The following BACE2 variants were observed in gnomAD, a reference collection of about 807,000 sequenced individuals.
BACE2 encodes the protein beta-secretase 2, also known as 56 kDa aspartic-like protease.
BACE2 carries 17 observed loss-of-function variants against 46.2 expected under a neutral mutation model. The ratio of observed to expected loss-of-function variants is 0.37; its 90% CI spans 0.25 to 0.55. The LOEUF (loss-of-function observed/expected upper bound fraction) is 0.55. Among genes scored for constraint, BACE2 ranks in the 20% least tolerant of loss-of-function variants. The pLI, the probability that BACE2 is intolerant of heterozygous loss-of-function variation, is 0.82. For synonymous variants in BACE2, 277 were observed against 295.9 expected, an observed-to-expected ratio of 0.94 and a Z score of 0.66; for missense variants, 595 against 698.1, an observed-to-expected ratio of 0.85 and a Z score of 1.66.
chr21:41,250,595 T>G (rs776323308), intron 6 of BACE2, among the ~76,000 whole-genome samples, 157 bp from the exon 7 acceptor site: 2 of 152,238 alleles, frequency 1.3e-5, no homozygotes, highest in Non-Finnish European at 2.9e-5. Context: ...GTCATCACCG[T>G]CACTCTTCCA....
At chr21:41,186,576 C>T (rs1000619519) in intron 1 of BACE2, 2 of 152,520 alleles carry the variant, frequency 1.3e-5, no homozygotes, top group Admixed American at 1.3e-4. Context: ...TCTCCGCTGT[C>T]CTTGTCCCTT....
intron 1 of BACE2, 27 bp from the exon 2 acceptor site, chr21:41,226,239 T>G: frequency 6.4e-7 from 1 of 1,568,860 alleles, no homozygotes; most frequent in Non-Finnish European, 8.7e-7. Context: ...TGCTTTCTAT[T>G]TTTTTTTTCT....
At chr21:41,226,192 CATT>C in intron 1 of BACE2, 71 bp from the exon 2 acceptor site, 1 of 1,153,596 alleles carries the variant, frequency 8.7e-7, no homozygotes, top group Admixed American at 2.2e-5. Flanking sequence ...GTTTTAAAAA[CATT>C]ATTCAAGAGT....
rs1489729938 is a variant in BACE2 at position 41,168,524 on chromosome 21, C to T, written c.261C>T (p.Asp87=). The change falls in exon 1 of 9, where the codon GAC becomes GAT. Residue 87 remains aspartate, a synonymous_variant. Coordinates refer to ENST00000330333, the MANE Select transcript of BACE2 (RefSeq NM_012105.5). The part of the protein sequence containing the change: ...FLAMVDNLQG[D]SGRGYYLEML... ...CCATGGTAGACAACCTGCAGGGGGA[C>T]TCTGGCCGCGGCTACTACCTGGAGA... The T allele has an allele frequency of 1.5e-6, 2 of 1,352,240 alleles. No homozygotes were observed. Among genetic ancestry groups the T allele is most frequent in the Non-Finnish European group, 1.9e-6 (2 of 1,044,580 alleles). The allele number at this position is 1,352,240 out of a possible 1,614,324, so 83.8% of individuals were successfully genotyped here. A position where few individuals can be genotyped will look rare whatever the true frequency, so the allele number is the denominator to read the frequency against.
chr21:41,217,592 T>A (rs375211327), intron 1 of BACE2, among the ~76,000 whole-genome samples: 36 of 152,202 alleles, frequency 2.4e-4, no homozygotes, highest in African/African-American at 6.5e-4. Context: ...AGGTATCTGC[T>A]GGTTGAGCCT....
intron 3 of BACE2, among the ~76,000 whole-genome samples, chr21:41,241,133 TC>T (rs1185881199): frequency 2.0e-5 from 3 of 152,128 alleles, no homozygotes; most frequent in African/African-American, 7.2e-5. Context: ...CCTTCCCGCT[TC>T]CCTTTGAGTC....
At chr21:41,224,535 C>T (rs1205409966) in intron 1 of BACE2, among the ~76,000 whole-genome samples, 1 of 152,142 alleles carries the variant, frequency 6.6e-6, no homozygotes, top group Non-Finnish European at 1.5e-5. Context: ...GTTTTTCAAC[C>T]TTTTGGGCTA....
At chr21:41,241,997 T>A in intron 4 of BACE2, 50 bp downstream of exon 4, 1 of 1,603,264 alleles carries the variant, frequency 6.2e-7, no homozygotes, top group Non-Finnish European at 8.5e-7. Context: ...ATGGATGGGC[T>A]GTTTTTTTCT....
At chr21:41,232,804 C>T (rs961656134) in intron 2 of BACE2, among the ~76,000 whole-genome samples, 1 of 152,110 alleles carries the variant, frequency 6.6e-6, no homozygotes, top group African/African-American at 2.4e-5. Flanking sequence ...ACCTCTTTTC[C>T]TTATGAATTA....
intron 8 of BACE2, among the ~76,000 whole-genome samples, chr21:41,274,624 T>C (rs1224762194): frequency 6.6e-6 from 1 of 152,224 alleles, no homozygotes; most frequent in Non-Finnish European, 1.5e-5. Flanking sequence ...AGAAATCATC[T>C]CAACTTCCTT....
chr21:41,233,237 T>C (rs895725407), intron 2 of BACE2, among the ~76,000 whole-genome samples: 2 of 152,234 alleles, frequency 1.3e-5, no homozygotes, highest in Admixed American at 1.3e-4. Context: ...ATATCTCCTG[T>C]GTTCCAAGCT....
chr21:41,226,829 A>T (rs1181122563), intron 2 of BACE2, among the ~76,000 whole-genome samples: 2 of 152,220 alleles, frequency 1.3e-5, no homozygotes, highest in African/African-American at 4.8e-5. Flanking sequence ...GGTGTGGTTC[A>T]TGGAAGCCAT....
chr21:41,245,074 T>C (rs1987427304), intron 5 of BACE2, among the ~76,000 whole-genome samples: 1 of 152,214 alleles, frequency 6.6e-6, no homozygotes, highest in Non-Finnish European at 1.5e-5. Flanking sequence ...TTCTTACATA[T>C]TAAAAAACTG....
At chr21:41,274,072 G>A (rs1378299711) in intron 8 of BACE2, among the ~76,000 whole-genome samples, 1 of 151,912 alleles carries the variant, frequency 6.6e-6, no homozygotes, top group Non-Finnish European at 1.5e-5. Context: ...GTCCAAGAGA[G>A]CTCCCTTGTC....
intron 8 of BACE2, among the ~76,000 whole-genome samples, chr21:41,273,452 C>T (rs1601326651): frequency 6.6e-6 from 1 of 152,194 alleles, no homozygotes; most frequent in African/African-American, 2.4e-5. Flanking sequence ...TTCTTTTTCT[C>T]AGGGCTGTTC....
chr21:41,208,846 G>A (rs535615861), intron 1 of BACE2, among the ~76,000 whole-genome samples: 1 of 152,262 alleles, frequency 6.6e-6, no homozygotes, highest in South Asian at 2.1e-4. Context: ...TAGGGGTAGG[G>A]AAGGTGGGAG....
intron 7 of BACE2, among the ~76,000 whole-genome samples, chr21:41,255,843 A>G (rs1053530660): frequency 5.9e-5 from 9 of 152,232 alleles, no homozygotes; most frequent in Admixed American, 2.0e-4. Flanking sequence ...CTTGTATAAC[A>G]TGGCCTGCTT....
At position 41,281,385 on chromosome 21, in the gene BACE2, T is replaced by C. The variant is rs1243527474; in HGVS notation, c.*5761T>C. On this transcript the variant is annotated 3_prime_UTR_variant, in exon 9 of 9. Coordinates refer to ENST00000330333, the MANE Select transcript of BACE2 (RefSeq NM_012105.5). ...TGGGTGTCCTTGGCAACCTAGCCTT[T>C]GACATTGATGTTTTTCCATAGGATT... The C allele has an allele frequency of 1.3e-5, 2 of 152,244 alleles. No individual in the cohort carries two copies. The highest frequency in any genetic ancestry group is 2.9e-5 in the Non-Finnish European group (2 of 68,044). The allele number at this position is 152,244 out of a possible 1,614,324, so 9.4% of individuals were successfully genotyped here.
intron 2 of BACE2, among the ~76,000 whole-genome samples, chr21:41,233,539 A>G (rs950037551): frequency 1.3e-5 from 2 of 152,254 alleles, no homozygotes; most frequent in Non-Finnish European, 2.9e-5. Context: ...TGCTAAATAG[A>G]TATGCAGGCT....
Sources: allele counts gnomAD v4.1 joint callset (sites outside exome capture counted in the v4.1 genomes callset), GRCh38; gene constraint gnomAD v4.1.1; transcripts MANE v1.5; gene names NCBI Gene and HGNC (gene_info 2026-07-23, HGNC 2026-07-21).